Variants in PDE8B observed in about 807,000 individuals in gnomAD.
The protein encoded by PDE8B is phosphodiesterase 8B.
Under a neutral mutation model 101.3 loss-of-function variants are expected in PDE8B, and 26 were observed. That is an observed-to-expected ratio of 0.26 (90% CI 0.19 to 0.36). PDE8B has a LOEUF of 0.36. PDE8B is among the 10% of genes least tolerant of loss of function. The pLI is 1.00. For missense variants in PDE8B, 810 were observed against 1,163.1 expected (o/e 0.70, Z 4.42); for synonymous variants, 424 against 429.3 (o/e 0.99, Z 0.15).
chr5:77,409,592 C>T (rs1342145436), intron 14 of PDE8B, among the ~76,000 whole-genome samples: 1 of 152,104 alleles, frequency 6.6e-6, no homozygotes, highest in Non-Finnish European at 1.5e-5. Context: ...CCTCTCACTG[C>T]CACATTCCAA....
chr5:77,337,109 A>G, intron 5 of PDE8B, 118 bp from the exon 6 acceptor site: 1 of 686,424 alleles, frequency 1.5e-6, no homozygotes, highest in Non-Finnish European at 2.7e-6. Context: ...CATCTTACCT[A>G]CTAATTGTCT....
At position 77,400,286 on chromosome 5, in the gene PDE8B, G is replaced by T; in HGVS notation, c.1206G>T (p.Gln402His). 1 of 1,581,908 alleles carries T rather than the reference G, an allele frequency of 6.3e-7. No homozygotes were observed. Among genetic ancestry groups the T allele is most frequent in the South Asian group, 1.1e-5 (1 of 90,406 alleles). The change falls in exon 11 of 22, where the codon CAG becomes CAT. Residue 402 changes from glutamine to histidine, a missense_variant. By Grantham distance (24) the Gln-to-His change is conservative. This residue lies in a region of PDE8B where 75 missense variants were observed against 76.9 expected (regional missense o/e 0.98). Coordinates refer to ENST00000264917, the MANE Select transcript of PDE8B (RefSeq NM_003719.5). The part of the protein sequence containing the change: ...KIHRDSGDNS[Q>H]TEPHSFRYKN... ...ATCGTGATTCAGGAGACAATTCTCAGACAGGTGAGAATACTTCAATTGAAC... is the reference window on the plus strand; with the variant it reads ...ATCGTGATTCAGGAGACAATTCTCATACAGGTGAGAATACTTCAATTGAAC...
upstream of PDE8B, among the ~76,000 whole-genome samples, chr5:77,205,712 C>T (rs1055236265): frequency 3.3e-5 from 5 of 152,110 alleles, no homozygotes; most frequent in Admixed American, 6.5e-5. Flanking sequence ...ATAAATTTGT[C>T]GTTTCTTGTC....
chr5:77,173,517 G>T, the PDE8B span, among the ~76,000 whole-genome samples: 2 of 152,106 alleles, frequency 1.3e-5, no homozygotes, highest in Non-Finnish European at 2.9e-5. Context: ...ATTATGACTG[G>T]TAATGGGAGG....
the PDE8B span, among the ~76,000 whole-genome samples, chr5:77,177,309 G>GA: frequency 6.6e-6 from 1 of 152,186 alleles, no homozygotes; most frequent in African/African-American, 2.4e-5. Context: ...TGGCTGCCTG[G>GA]AACCACAGAT....
intron 1 of PDE8B, among the ~76,000 whole-genome samples, chr5:77,252,659 T>C (rs1758296316): frequency 6.6e-6 from 1 of 152,208 alleles, no homozygotes; most frequent in African/African-American, 2.4e-5. Context: ...ATTTCCCTTT[T>C]TGATACTCCT....
the PDE8B span, among the ~76,000 whole-genome samples, chr5:77,103,746 T>A: frequency 2.0e-5 from 3 of 152,110 alleles, no homozygotes; most frequent in African/African-American, 7.3e-5. Context: ...AGAACATAGC[T>A]TGGACATCCT....
intron 1 of PDE8B, among the ~76,000 whole-genome samples, chr5:77,232,704 G>A (rs945248536): frequency 6.6e-6 from 1 of 152,178 alleles, no homozygotes; most frequent in Non-Finnish European, 1.5e-5. Flanking sequence ...TGAGATGAAG[G>A]TCTGTGTCTC....
chr5:77,172,910 C>T, the PDE8B span, among the ~76,000 whole-genome samples: 1 of 152,196 alleles, frequency 6.6e-6, no homozygotes, highest in East Asian at 1.9e-4. Context: ...CATCATCACC[C>T]AAACAGTATG....
At chr5:77,246,439 G>A (rs957504870) in intron 1 of PDE8B, among the ~76,000 whole-genome samples, 1 of 152,132 alleles carries the variant, frequency 6.6e-6, no homozygotes, top group Admixed American at 6.5e-5. Context: ...CCCGCCTGAG[G>A]TACCGGTCTG....
intron 1 of PDE8B, chr5:77,291,290 T>C: frequency 6.2e-7 from 1 of 1,613,050 alleles, no homozygotes; most frequent in Admixed American, 1.7e-5. Flanking sequence ...ATGTTCTCTA[T>C]GGGCCACTCC....
At chr5:77,315,717 G>A (rs1008436498) in intron 2 of PDE8B, among the ~76,000 whole-genome samples, 3 of 152,098 alleles carry the variant, frequency 2.0e-5, no homozygotes, top group East Asian at 1.9e-4. Context: ...ATACTTGCTG[G>A]TATTTTGAGT....
chr5:77,210,995 A>G lies in PDE8B; in HGVS notation c.70A>G (p.Ser24Gly). Residue 24 changes from serine (S) to glycine (G), a missense_variant, in exon 1 of 22, where the codon AGC (serine) becomes GGC (glycine). This residue lies in a region of PDE8B where 159 missense variants were observed against 146.6 expected (regional missense o/e 1.08). Coordinates refer to ENST00000264917, the MANE Select transcript of PDE8B (RefSeq NM_003719.5). This position sits in a 1 kb window ranked among gnomAD's most constrained non-coding sequence, Gnocchi z 4.9. ...VIYCRDSDES[S>G]SPRQTTSVSQ... Reference sequence around the variant, plus strand: ...CTACTGCCGGGACTCGGACGAGTCCAGCTCGCCCCGCCAGACCACCAGCGT... The same window carrying G: ...CTACTGCCGGGACTCGGACGAGTCCGGCTCGCCCCGCCAGACCACCAGCGT... 6.5e-7 allele frequency: 1 copy of G among 1,546,234 alleles called. No individual in the cohort carries two copies. The highest frequency in any genetic ancestry group is 8.6e-7 in the Non-Finnish European group (1 of 1,156,318).
the PDE8B span, among the ~76,000 whole-genome samples, chr5:77,181,819 C>A: frequency 6.6e-6 from 1 of 152,118 alleles, no homozygotes; most frequent in Non-Finnish European, 1.5e-5. Flanking sequence ...TTCCTCTAAA[C>A]TGTGTGTTGG....
chr5:77,382,733 C>T (rs949408184), intron 10 of PDE8B, among the ~76,000 whole-genome samples: 10 of 152,136 alleles, frequency 6.6e-5, no homozygotes, highest in African/African-American at 2.2e-4. Flanking sequence ...ATGATGGTTT[C>T]CAGCTTCATG....
intron 20 of PDE8B, among the ~76,000 whole-genome samples, chr5:77,423,895 C>A (rs1233723148): frequency 6.6e-6 from 1 of 151,696 alleles, no homozygotes; most frequent in African/African-American, 2.4e-5. Flanking sequence ...CCTTGGCCTC[C>A]CAAAGTGCTA....
At position 77,423,784 on chromosome 5, in the gene PDE8B, A is replaced by G. The variant is rs1797276416; in HGVS notation, c.2418+1796A>G. 2.0e-5 allele frequency among the ~76,000 whole-genome samples: 3 copies of G among 151,116 alleles called. No individual in the cohort carries two copies. The South Asian group carries it at 6.3e-4, about 32-fold the overall frequency. On this transcript the variant is annotated intron_variant, in intron 20 of 21. Transcript: ENST00000264917. ...CCCAAGTAGCTGGGACTACAGGTGCACACTGCCATGCCCGGCTAATTTTTT... is the reference window on the plus strand; with the variant it reads ...CCCAAGTAGCTGGGACTACAGGTGCGCACTGCCATGCCCGGCTAATTTTTT...
At chr5:77,280,154 A>C (rs1392443552) in intron 1 of PDE8B, among the ~76,000 whole-genome samples, 1 of 152,226 alleles carries the variant, frequency 6.6e-6, no homozygotes, top group Non-Finnish European at 1.5e-5. Flanking sequence ...TGGGCTCTTT[A>C]TCTTCTGACA....
At chr5:77,226,659 T>C (rs528764670) in intron 1 of PDE8B, among the ~76,000 whole-genome samples, 21 of 152,352 alleles carry the variant, frequency 1.4e-4, no homozygotes, top group African/African-American at 4.8e-4. Context: ...AACTTCTGCC[T>C]ATCATACAAA....
Sources: gnomAD v4.1 joint callset for allele counts (sites outside exome capture counted in the v4.1 genomes callset) on GRCh38, gnomAD v4.1.1 for gene constraint, gnomAD v4.1.1 regional missense constraint, Gnocchi (gnomAD v3.1) non-coding constraint, MANE v1.5 for transcripts, NCBI Gene and HGNC (gene_info 2026-07-23, HGNC 2026-07-21) for gene names.